Variants in ANKFN1 observed in about 807,000 individuals in gnomAD.
ANKFN1 encodes the protein ankyrin repeat and fibronectin type III domain containing 1.
A neutral mutation model predicts 108.7 loss-of-function variants in ANKFN1; 74 were observed. That is an observed-to-expected ratio of 0.68 (90% CI 0.56 to 0.83). ANKFN1 has a LOEUF of 0.83. Ranked by LOEUF, ANKFN1 falls within the 40% of genes least tolerant of loss-of-function variation. ANKFN1 has a pLI of 0.00. For missense variants in ANKFN1, 1,505 were observed against 1,382.3 expected (o/e 1.09, Z -1.41); for synonymous variants, 547 against 516.2 (o/e 1.06, Z -0.81).
At chr17:56,432,890 A>G (rs2048805554) in intron 8 of ANKFN1, among the ~76,000 whole-genome samples, 1 of 152,164 alleles carries the variant, frequency 6.6e-6, no homozygotes, top group Non-Finnish European at 1.5e-5. Flanking sequence ...CCTGCTGATC[A>G]TGATACATCC....
chr17:56,122,390 A>G (rs1906677841), intron 4 of ANKFN1, among the ~76,000 whole-genome samples: 1 of 152,186 alleles, frequency 6.6e-6, no homozygotes, highest in Non-Finnish European at 1.5e-5. Context: ...TCACTGTTTT[A>G]CTTCCATATC....
rs566508690 is a variant in ANKFN1 at position 56,465,971 on chromosome 17, A to G, written c.1558-385A>G. 1.4e-4 allele frequency among the ~76,000 whole-genome samples: 22 copies of G among 152,362 alleles called. No homozygotes were observed. In the South Asian group the frequency reaches 2.1e-3, roughly 14 times the overall value. On this transcript the variant is annotated intron_variant, in intron 14 of 20. Coordinates refer to ENST00000682825, the MANE Select transcript of ANKFN1 (RefSeq NM_001370326.1). ...GATCTCCTGAGAACTCCACAGAAGC[A>G]TACTTTAAATATCAGACATTTTTCT...
chr17:56,068,828 C>G (rs1905090378), intron 4 of ANKFN1, among the ~76,000 whole-genome samples: 1 of 152,138 alleles, frequency 6.6e-6, no homozygotes. Flanking sequence ...GGCAAAATAC[C>G]TGGTAGAGAG....
At chr17:56,462,863 C>T (rs1598652918) in intron 14 of ANKFN1, among the ~76,000 whole-genome samples, 1 of 152,164 alleles carries the variant, frequency 6.6e-6, no homozygotes, top group African/African-American at 2.4e-5. Flanking sequence ...AAGATTCTGA[C>T]CAAGGCATTC....
chr17:56,197,778 C>T lies in ANKFN1; in HGVS notation c.-70-14820C>T, dbSNP rs984360286. On this transcript the variant is annotated intron_variant, in intron 1 of 20. Transcript: ENST00000682825. ...AAAATAATTTACATCCAAAGATCAG[C>T]TAAACCAGCAGTCCCCAACCTTTCT... 3.9e-5 allele frequency among the ~76,000 whole-genome samples: 6 copies of T among 152,234 alleles called. 1 individual carries two copies. Among genetic ancestry groups the T allele is most frequent in the African/African-American group, 1.4e-4 (6 of 41,462 alleles).
Position 56,128,572 on chromosome 17 carries a change from T to A in ANKFN1, c.288+82247T>A, listed in dbSNP as rs146395784. 4.1e-4 allele frequency among the ~76,000 whole-genome samples: 62 copies of A among 152,330 alleles called. 1 individual carries two copies. Among genetic ancestry groups the A allele is most frequent in the African/African-American group, 1.3e-3 (55 of 41,570 alleles). ...TCTTCAGAAACAACATCTCTTTCCA[T>A]CTCTGCGTCACTGGTGAGACTTTTT... On this transcript the variant is annotated intron_variant, in intron 4 of 12. Transcript: ENST00000635860.
intron 4 of ANKFN1, among the ~76,000 whole-genome samples, chr17:56,122,210 T>C (rs1332179512): frequency 1.3e-5 from 2 of 152,310 alleles, no homozygotes; most frequent in African/African-American, 2.4e-5. Flanking sequence ...TAAAATATCA[T>C]CTAAGTTTTA....
At chr17:56,488,187 T>C (rs139138694) in intron 18 of ANKFN1, among the ~76,000 whole-genome samples, 182 of 152,274 alleles carry the variant, frequency 1.2e-3, no homozygotes, top group African/African-American at 4.3e-3. Context: ...CTGGATATCA[T>C]GAGACAATTA....
chr17:56,390,204 C>G (rs531808139), intron 8 of ANKFN1, among the ~76,000 whole-genome samples: 29 of 152,084 alleles, frequency 1.9e-4, no homozygotes, highest in African/African-American at 6.5e-4. Context: ...CCTTGCCCCC[C>G]ACCCCTTGAC....
intron 8 of ANKFN1, among the ~76,000 whole-genome samples, chr17:56,385,848 C>T (rs1319766299): frequency 6.6e-6 from 1 of 152,066 alleles, no homozygotes; most frequent in Non-Finnish European, 1.5e-5. Flanking sequence ...TGTGGAGAAA[C>T]AGGAACACTT....
chr17:56,473,367 A>G (rs2050386175), intron 15 of ANKFN1: 1 of 152,226 alleles, frequency 6.6e-6, no homozygotes, highest in Non-Finnish European at 1.5e-5. Flanking sequence ...ATTTGGTGTT[A>G]GAAGGCCTTT....
chr17:56,324,443 ACT>A (rs2144525168), intron 3 of ANKFN1, among the ~76,000 whole-genome samples: 1 of 151,856 alleles, frequency 6.6e-6, no homozygotes, highest in East Asian at 1.9e-4. Context: ...TATCAGTGGC[ACT>A]CTCCCCTTAG....
In ANKFN1 at chr17:56,353,877, G is replaced by A. The variant is rs764764256; in HGVS notation, c.432G>A (p.Gln144=). The change falls in exon 6 of 21, where the codon CAG becomes CAA. Residue 144 remains glutamine (Q), a synonymous_variant. Coordinates refer to ENST00000682825, the MANE Select transcript of ANKFN1 (RefSeq NM_001370326.1). ...AAGCCATGTTTGAGGCAGTCGAACA[G>A]CAGGACATGGATGCTGTGCAGATCC... is the stretch of plus-strand genomic sequence containing the variant. ...GNEAMFEAVE[Q]QDMDAVQILL... 3 of 1,614,040 alleles carry A rather than the reference G, an allele frequency of 1.9e-6. No homozygotes were observed. In the South Asian group the frequency reaches 3.3e-5, roughly 18 times the overall value.
intron 1 of ANKFN1, chr17:56,206,362 A>G (rs527575414): frequency 6.6e-6 from 1 of 152,194 alleles, no homozygotes; most frequent in Admixed American, 6.5e-5. Context: ...CCATGATTAC[A>G]TGATAGTCCC....
intron 3 of ANKFN1, among the ~76,000 whole-genome samples, chr17:56,312,272 A>G (rs1387282099): frequency 6.6e-6 from 1 of 152,146 alleles, no homozygotes. Context: ...AAGGTGCTTG[A>G]TATTCCACAT....
intron 3 of ANKFN1, among the ~76,000 whole-genome samples, chr17:56,252,027 A>C (rs1196138528): frequency 6.6e-6 from 1 of 152,234 alleles, no homozygotes; most frequent in Non-Finnish European, 1.5e-5. Flanking sequence ...ATTAACTGTC[A>C]GATATTTATT....
intron 3 of ANKFN1, among the ~76,000 whole-genome samples, chr17:56,263,114 A>G (rs1381752774): frequency 1.3e-5 from 2 of 152,226 alleles, no homozygotes; most frequent in African/African-American, 4.8e-5. Context: ...AGTGGGGCCA[A>G]CTCAGAAACA....
chr17:56,115,994 C>CT (rs1243643652), intron 4 of ANKFN1, among the ~76,000 whole-genome samples: 2 of 152,252 alleles, frequency 1.3e-5, no homozygotes, highest in South Asian at 4.1e-4. Flanking sequence ...TATGCATTAA[C>CT]TTTTTTGTGC....
chr17:56,457,419 T>C, intron 13 of ANKFN1, 30 bp downstream of exon 13: 1 of 1,556,474 alleles, frequency 6.4e-7, no homozygotes, highest in East Asian at 2.3e-5. Context: ...CATTTTTCCC[T>C]ACTTTGTACC....
Sources: allele counts gnomAD v4.1 joint callset (sites outside exome capture counted in the v4.1 genomes callset), GRCh38; gene constraint gnomAD v4.1.1; transcripts MANE v1.5; gene names NCBI Gene and HGNC (gene_info 2026-07-23, HGNC 2026-07-21).